Variants in ARL15 observed in about 807,000 individuals in gnomAD.
ARL15 encodes the protein ADP-ribosylation factor-like protein 15.
Under a neutral mutation model 25.2 loss-of-function variants are expected in ARL15, and 19 were observed. That is an observed-to-expected ratio of 0.75 (90% CI 0.53 to 1.10). The LOEUF (loss-of-function observed/expected upper bound fraction) is 1.10, where lower values mean the gene tolerates loss of function less well. Ranked by LOEUF, ARL15 falls within the 50% of genes least tolerant of loss-of-function variation. The probability of loss-of-function intolerance (pLI) is 0.00; values close to 1 mark genes in which losing one functional copy is unlikely to be tolerated. For missense variants in ARL15, 220 were observed against 246.0 expected, an observed-to-expected ratio of 0.89 and a Z score of 0.71; for synonymous variants, 94 against 86.8, an observed-to-expected ratio of 1.08 and a Z score of -0.46.
intron 1 of ARL15, among the ~76,000 whole-genome samples, chr5:54,261,148 T>C (rs1757488675): frequency 6.6e-6 from 1 of 152,152 alleles, no homozygotes; most frequent in Admixed American, 6.5e-5. Flanking sequence ...AAGAGACACA[T>C]GGTACAACTG....
intron 1 of ARL15, among the ~76,000 whole-genome samples, chr5:54,195,940 C>T (rs1217021994): frequency 7.2e-5 from 11 of 152,096 alleles, no homozygotes; most frequent in Admixed American, 7.2e-4. Flanking sequence ...CAGTGCTCCC[C>T]TTCCAAATAG....
rs1307997800 is a variant in ARL15 at position 54,275,067 on chromosome 5, T to C, written c.48+35365A>G. On this transcript the variant is annotated intron_variant, in intron 1 of 4. Coordinates refer to ENST00000504924, the MANE Select transcript of ARL15 (RefSeq NM_019087.3). The stretch of plus-strand genomic sequence containing the variant: ...AAACACTAGATTCAATCTTGGCCCA[T>C]AGAGTCTCAATTATCAATCCAATCA... Among the ~76,000 whole-genome samples, 7 of 152,134 alleles carry C rather than the reference T, an allele frequency of 4.6e-5. 1 individual carries two copies. Among genetic ancestry groups the C allele is most frequent in the East Asian group, 3.9e-4 (2 of 5,192 alleles).
At chr5:54,079,980 C>CAA (rs1751740401) in intron 4 of ARL15, among the ~76,000 whole-genome samples, 6 of 120,938 alleles carry the variant, frequency 5.0e-5, no homozygotes, top group Non-Finnish European at 9.8e-5. Flanking sequence ...CACACACACA[C>CAA]ACACACACAC....
At chr5:54,077,620 C>G (rs1751653681) in intron 4 of ARL15, among the ~76,000 whole-genome samples, 2 of 152,114 alleles carry the variant, frequency 1.3e-5, no homozygotes, top group African/African-American at 4.8e-5. Flanking sequence ...AAATGTTGCC[C>G]TGGGGTTCTC....
chr5:54,269,655 AT>A (rs1407875965), intron 1 of ARL15, among the ~76,000 whole-genome samples: 1 of 151,886 alleles, frequency 6.6e-6, no homozygotes, highest in African/African-American at 2.4e-5. Flanking sequence ...TTTATTTTTA[AT>A]TTTTTTTGAG....
At chr5:54,124,230 T>C (rs543271627) in intron 3 of ARL15, among the ~76,000 whole-genome samples, 1 of 152,358 alleles carries the variant, frequency 6.6e-6, no homozygotes, top group East Asian at 1.9e-4. Flanking sequence ...CTTATTTTCA[T>C]AGTTGACTGA....
intron 4 of ARL15, among the ~76,000 whole-genome samples, chr5:53,997,542 T>C (rs1383456682): frequency 6.6e-6 from 1 of 152,118 alleles, no homozygotes; most frequent in Admixed American, 6.5e-5. Flanking sequence ...ACAGACTACA[T>C]CATCTCAGCA....
At chr5:53,915,952 G>A (rs1018057342) in intron 4 of ARL15, among the ~76,000 whole-genome samples, 2 of 152,154 alleles carry the variant, frequency 1.3e-5, no homozygotes, top group Non-Finnish European at 2.9e-5. Context: ...TTTCACTCAG[G>A]TTGAAGTGCA....
At chr5:54,082,920 A>C (rs1336167737) in intron 4 of ARL15, among the ~76,000 whole-genome samples, 1 of 152,192 alleles carries the variant, frequency 6.6e-6, no homozygotes. Flanking sequence ...TAATTTTATC[A>C]TTTTATTTCT....
chr5:54,233,871 C>A (rs192233700), intron 1 of ARL15, among the ~76,000 whole-genome samples: 48 of 152,306 alleles, frequency 3.2e-4, no homozygotes, highest in African/African-American at 1.1e-3. Flanking sequence ...ACTCTAGCTG[C>A]CCTCTATTAA....
rs116135655 is a variant in ARL15, at chr5:54,046,759, T to C, written c.462+66443A>G. The stretch of plus-strand genomic sequence containing the variant: ...AAAGAAATGGCTAAATTCAGGTAAG[T>C]AGATGAAGGGCAGAAGGGGAGCCAC... On this transcript the variant is annotated intron_variant, in intron 4 of 4. Coordinates refer to ENST00000504924, the MANE Select transcript of ARL15 (RefSeq NM_019087.3). Among the ~76,000 whole-genome samples, 625 of 152,030 alleles carry C rather than the reference T, an allele frequency of 4.1e-3. 9 individuals carry two copies. Among genetic ancestry groups the C allele is most frequent in the African/African-American group, 0.014 (576 of 41,452 alleles).
chr5:54,059,988 C>T (rs1751012165), intron 4 of ARL15, among the ~76,000 whole-genome samples: 1 of 152,010 alleles, frequency 6.6e-6, no homozygotes, highest in South Asian at 2.1e-4. Flanking sequence ...TACCCTCTAT[C>T]ATGTTCTATA....
chr5:53,962,353 TATAAC>T (rs889591510), intron 4 of ARL15, among the ~76,000 whole-genome samples: 1 of 152,164 alleles, frequency 6.6e-6, no homozygotes, highest in African/African-American at 2.4e-5. Flanking sequence ...TTAAGTATAA[TATAAC>T]ATATCTGGAA....
At chr5:54,072,820 T>G (rs1230506066) in intron 4 of ARL15, among the ~76,000 whole-genome samples, 2 of 152,206 alleles carry the variant, frequency 1.3e-5, no homozygotes, top group Non-Finnish European at 2.9e-5. Flanking sequence ...TTAGAGACTT[T>G]ACTTTGTTTT....
At chr5:53,910,682 G>A (rs1380736419) in intron 4 of ARL15, among the ~76,000 whole-genome samples, 4 of 97,354 alleles carry the variant, frequency 4.1e-5, no homozygotes, top group Admixed American at 2.2e-4. Context: ...TAAAGAAAAC[G>A]TCTTCTTAGA....
At chr5:54,086,307 T>C (rs1283158094) in intron 4 of ARL15, among the ~76,000 whole-genome samples, 2 of 152,154 alleles carry the variant, frequency 1.3e-5, no homozygotes, top group African/African-American at 4.8e-5. Flanking sequence ...AGTTATAGGC[T>C]TTTTTCAAAA....
intron 1 of ARL15, among the ~76,000 whole-genome samples, chr5:54,178,726 G>A (rs200584486): frequency 5.3e-5 from 8 of 152,302 alleles, no homozygotes; most frequent in South Asian, 4.1e-4. Flanking sequence ...AACACTAAGC[G>A]TTGCTCAATG....
intron 1 of ARL15, among the ~76,000 whole-genome samples, chr5:54,238,375 A>G (rs1375691678): frequency 6.6e-6 from 1 of 152,064 alleles, no homozygotes; most frequent in East Asian, 1.9e-4. Context: ...AATCACAAAA[A>G]ACAATAAGAA....
At chr5:53,924,074 T>C (rs1454658914) in intron 4 of ARL15, among the ~76,000 whole-genome samples, 1 of 152,128 alleles carries the variant, frequency 6.6e-6, no homozygotes, top group Non-Finnish European at 1.5e-5. Flanking sequence ...ACTATGACTT[T>C]CAGGAAAAGG....
Sources: allele counts gnomAD v4.1 joint callset (sites outside exome capture counted in the v4.1 genomes callset), GRCh38; gene constraint gnomAD v4.1.1; transcripts MANE v1.5; gene names NCBI Gene and HGNC (gene_info 2026-07-23, HGNC 2026-07-21).